The following ZAN variants were observed in gnomAD, a reference collection of about 807,000 sequenced individuals.
ZAN encodes zonadhesin (gene/pseudogene).
In ZAN, 260 loss-of-function variants were observed where a neutral mutation model predicts 286.2. The ratio of observed to expected loss-of-function variants is 0.91; its 90% CI spans 0.82 to 1.01. The LOEUF (loss-of-function observed/expected upper bound fraction) is 1.01. Among genes scored for constraint, ZAN ranks in the 50% least tolerant of loss-of-function variants. The pLI, the probability that ZAN is intolerant of heterozygous loss-of-function variation, is 0.00. For missense variants in ZAN, 3,410 were observed against 3,639.2 expected, an observed-to-expected ratio of 0.94 and a Z score of 1.62; for synonymous variants, 1,368 against 1,417.5, an observed-to-expected ratio of 0.97 and a Z score of 0.79.
Position 100,777,893 on chromosome 7 carries a change from T to A in ZAN, c.6317+1329T>A, listed in dbSNP as rs1008155326. Among the ~76,000 whole-genome samples the A allele has an allele frequency of 5.9e-5, 9 of 151,988 alleles. 1 individual carries two copies. The highest frequency in any genetic ancestry group is 5.9e-4 in the Admixed American group (9 of 15,222). On this transcript the variant is annotated intron_variant, in intron 34 of 47. Transcript: ENST00000613979. Reference sequence around the variant, plus strand: ...AGGCCAGAATGTTGCTTTGTGTGTGTGATTTGAGGGCGATGACTTCTGGGC... The same window carrying A: ...AGGCCAGAATGTTGCTTTGTGTGTGAGATTTGAGGGCGATGACTTCTGGGC...
At chr7:100,780,227 T>TA (rs1279928087) in intron 35 of ZAN, among the ~76,000 whole-genome samples, 1 of 151,814 alleles carries the variant, frequency 6.6e-6, no homozygotes, top group Non-Finnish European at 1.5e-5. Context: ...AGTATCTTGA[T>TA]AAAGTTGTGC....
chr7:100,757,919 T>TAAAAA (rs76692637), intron 15 of ZAN, among the ~76,000 whole-genome samples: 7 of 105,002 alleles, frequency 6.7e-5, no homozygotes, highest in African/African-American at 2.5e-4. Context: ...TCCAAAACGT[T>TAAAAA]AAAAAAAAAA....
chr7:100,748,795 G>A (rs114661910), intron 11 of ZAN, among the ~76,000 whole-genome samples: 1,535 of 152,122 alleles, frequency 0.01, 19 homozygotes, highest in African/African-American at 0.035. Flanking sequence ...TTGAGAGGCC[G>A]AGACGGGAAG....
chr7:100,749,675 T>TATATATAC (rs1554399725), intron 11 of ZAN, among the ~76,000 whole-genome samples: 1 of 130,440 alleles, frequency 7.7e-6, no homozygotes, highest in South Asian at 2.4e-4. Flanking sequence ...TATATATATA[T>TATATATAC]ACACACACAC....
chr7:100,772,603 C>T (rs1434303282), intron 29 of ZAN, among the ~76,000 whole-genome samples: 1 of 151,642 alleles, frequency 6.6e-6, no homozygotes, highest in Non-Finnish European at 1.5e-5. Context: ...AGGTGGATCA[C>T]GAGGTCAGGA....
Position 100,738,474 on chromosome 7 carries a change from A to G in ZAN, c.627A>G (p.Gln209=), listed in dbSNP as rs370624145. The change falls in exon 7 of 48, where the codon CAA becomes CAG. Residue 209 remains glutamine, a synonymous_variant. Transcript: ENST00000613979. ...RGSCNRVCMM[Q]TCSFDIPNDL... ...CTTTCCTCTCAGTCTGTATGATGCA[A>G]ACATGCAGCTTTGACATTCCAAATG... 3.5e-5 allele frequency: 51 copies of G among 1,472,292 alleles called. 10 individuals are homozygous for G. The African/African-American group carries it at 3.9e-4, about 11-fold the overall frequency. The allele number at this position is 1,472,292 out of a possible 1,614,324, so 91.2% of individuals were successfully genotyped here. A position where few individuals can be genotyped will look rare whatever the true frequency, so the allele number is the denominator to read the frequency against.
chr7:100,765,856 A>G (rs1182925521), intron 23 of ZAN, among the ~76,000 whole-genome samples: 2 of 151,746 alleles, frequency 1.3e-5, no homozygotes, highest in Admixed American at 6.6e-5. Context: ...GGGCGGTTTC[A>G]CCATGTTGGC....
intron 7 of ZAN, 129 bp downstream of exon 7, chr7:100,738,742 A>C: frequency 8.9e-7 from 1 of 1,117,474 alleles, no homozygotes; most frequent in South Asian, 1.6e-5. Flanking sequence ...TTCACGCAAG[A>C]AGCTGATTTC....
rs531465001 is a variant in ZAN, at chr7:100,775,205, G to A, written c.5780-123G>A. The A allele has an allele frequency of 8.6e-5, 122 of 1,416,034 alleles. 2 individuals carry two copies. Among genetic ancestry groups the A allele is most frequent in the African/African-American group, 1.4e-4 (10 of 69,674 alleles). 87.7% of individuals were successfully genotyped at this position (1,416,034 alleles called of 1,614,324 possible). ...TGGGATTACAGGCATGAGCCACTGC[G>A]CACAGCCGGACCTGGGGTCTTGACT... On this transcript the variant is annotated intron_variant, in intron 31 of 47. Transcript: ENST00000613979.
At chr7:100,758,169 A>C in intron 15 of ZAN, 33 bp from the exon 16 acceptor site, 3 of 1,595,746 alleles carry the variant, frequency 1.9e-6, no homozygotes, top group Non-Finnish European at 2.6e-6. Context: ...TAGGAGCTAT[A>C]TGACTGTGTG....
At chr7:100,748,650 T>A (rs974585156) in intron 11 of ZAN, among the ~76,000 whole-genome samples, 180 bp downstream of exon 11, 4 of 152,056 alleles carry the variant, frequency 2.6e-5, no homozygotes, top group Non-Finnish European at 5.9e-5. Context: ...ACTTAAAGAT[T>A]CTCAGGGCTG....
At chr7:100,768,128 G>A (rs568311471) in intron 26 of ZAN, 117 bp downstream of exon 26, 37 of 1,288,368 alleles carry the variant, frequency 2.9e-5, no homozygotes, top group Admixed American at 5.6e-5. Flanking sequence ...TGACTAATTC[G>A]TTGAGGACAT....
chr7:100,750,782 G>A lies in ZAN; in HGVS notation c.1407G>A (p.Leu469=), dbSNP rs750759354. 7 of 1,612,388 alleles carry A rather than the reference G, an allele frequency of 4.3e-6. No individual in the cohort carries two copies. The Admixed American group carries it at 1.2e-4, about 27-fold the overall frequency. ...LGEGTMLELL[L]GSPAGSPPIP... ...AGGGTACTATGCTCGAACTCCTCCT[G>A]GGAAGTCCTGCGGGGAGTCCCCCGA... The change falls in exon 12 of 48, where the codon CTG becomes CTA. Residue 469 remains leucine (L), a synonymous_variant. Coordinates refer to ENST00000613979, the MANE Select transcript of ZAN (RefSeq NM_003386.3).
chr7:100,790,775 C>A (rs759951848), intron 39 of ZAN, among the ~76,000 whole-genome samples, 167 bp from the exon 40 acceptor site: 1 of 148,434 alleles, frequency 6.7e-6, no homozygotes, highest in Admixed American at 6.9e-5. Context: ...TCCAGCTACT[C>A]GGGAGGCTGA....
At position 100,760,418 on chromosome 7, in the gene ZAN, G is replaced by A. The variant is rs763470601; in HGVS notation, c.3724G>A (p.Ala1242Thr). Residue 1242 changes from alanine (A) to threonine (T), a missense_variant, in exon 19 of 48, where the codon GCC becomes ACC. Physicochemically the swap from Ala to Thr is moderately conservative, Grantham distance 58 (BLOSUM62 0). Coordinates refer to ENST00000613979, the MANE Select transcript of ZAN (RefSeq NM_003386.3). ...LVGGQQVTLP[A>T]IPSKGVFLGA... ...TGGGGGTCAGCAAGTTACTCTCCCA[G>A]CCATACCCTCTAAAGGCGTCTTCCT... is the stretch of plus-strand genomic sequence containing the variant. 9.9e-6 allele frequency: 16 copies of A among 1,613,890 alleles called. No individual in the cohort carries two copies. Among genetic ancestry groups the A allele is most frequent in the Non-Finnish European group, 1.4e-5 (16 of 1,179,876 alleles).
rs768491766 is a variant in ZAN at position 100,758,639 on chromosome 7, G to A, written c.3560G>A (p.Gly1187Asp). 6.4e-7 allele frequency: 1 copy of A among 1,554,818 alleles called. No individual in the cohort carries two copies. The change falls in exon 17 of 48, where the codon GGC becomes GAC. Residue 1187 changes from glycine (G) to aspartate (D), a missense_variant. Gly to Asp is a moderately conservative substitution (Grantham distance 94, BLOSUM62 -1). Around this residue, in one of 7 missense-constraint regions of ZAN, gnomAD observed 1,042 missense variants for 1,058.0 expected, o/e 0.98. Transcript: ENST00000613979. ...KCTYILAQPCGNSTDPFFRVT... is the reference protein window; with the variant it reads ...KCTYILAQPCDNSTDPFFRVT... ...ACTTACATCTTGGCCCAGCCCTGTG[G>A]CAACTCAACAGGTAGGCCCTGGAGA...
chr7:100,751,157 C>A, intron 12 of ZAN, 25 bp from the exon 13 acceptor site: 2 of 1,559,994 alleles, frequency 1.3e-6, no homozygotes, highest in Non-Finnish European at 1.7e-6. Context: ...TTTCTCTCTC[C>A]GTCTCTCTCC....
At chr7:100,769,805 C>T in intron 27 of ZAN, 75 bp from the exon 28 acceptor site, 1 of 1,389,880 alleles carries the variant, frequency 7.2e-7, no homozygotes, top group Non-Finnish European at 9.9e-7. Context: ...CCTTGGCTTC[C>T]CAAAGTGCTG....
chr7:100,792,221 C>A, intron 41 of ZAN, 73 bp downstream of exon 41: 2 of 1,503,714 alleles, frequency 1.3e-6, no homozygotes, highest in East Asian at 2.4e-5. Flanking sequence ...GCCTCCTGCC[C>A]GCTTCCTGAC....
Sources: gnomAD v4.1 joint callset for allele counts (sites outside exome capture counted in the v4.1 genomes callset) on GRCh38, gnomAD v4.1.1 for gene constraint, gnomAD v4.1.1 regional missense constraint, MANE v1.5 for transcripts, NCBI Gene and HGNC (gene_info 2026-07-23, HGNC 2026-07-21) for gene names.